The following CCDC30 variants were observed in gnomAD, a reference collection of about 807,000 sequenced individuals.
The protein encoded by CCDC30 is coiled-coil domain-containing protein 30.
In CCDC30, 70 loss-of-function variants were observed where a neutral mutation model predicts 100.2. The observed-to-expected ratio is 0.70, with a 90% CI of 0.58 to 0.85. CCDC30 has a LOEUF of 0.85. Among genes scored for constraint, CCDC30 ranks in the 40% least tolerant of loss-of-function variants. The probability of loss-of-function intolerance (pLI) is 0.00; values close to 1 mark genes in which losing one functional copy is unlikely to be tolerated. For synonymous variants in CCDC30, 233 were observed against 269.5 expected, an observed-to-expected ratio of 0.86 and a Z score of 1.33; for missense variants, 652 against 771.2, an observed-to-expected ratio of 0.85 and a Z score of 1.83.
At chr1:42,612,595 C>G (rs1217728223) in intron 11 of CCDC30, among the ~76,000 whole-genome samples, 1 of 152,140 alleles carries the variant, frequency 6.6e-6, no homozygotes, top group Non-Finnish European at 1.5e-5. Flanking sequence ...TAACCTGTTT[C>G]AAGAGCAGAG....
intron 6 of CCDC30, among the ~76,000 whole-genome samples, chr1:42,517,945 G>A (rs975244126): frequency 1.3e-5 from 2 of 152,032 alleles, no homozygotes; most frequent in African/African-American, 4.8e-5. Context: ...AGATTGTTGT[G>A]GCTGTTTGGG....
chr1:42,536,106 G>T (rs751239580), intron 6 of CCDC30, among the ~76,000 whole-genome samples: 25 of 151,782 alleles, frequency 1.6e-4, no homozygotes, highest in Non-Finnish European at 8.8e-5. Context: ...TCTGACATGT[G>T]GTAAGTCCTC....
At chr1:42,533,790 A>C (rs4660642) in intron 6 of CCDC30, 19,714 of 152,310 alleles carry the variant, frequency 0.13, 1,476 homozygotes, top group East Asian at 0.19. Context: ...TTGTCATACT[A>C]TGCAGGGAGG....
rs183792062 is a variant in CCDC30, at chr1:42,615,354, G to A, written c.1277+4264G>A. On this transcript the variant is annotated intron_variant, in intron 11 of 16. Coordinates refer to ENST00000668663, the Ensembl canonical transcript of CCDC30. ...TCTCTTGCCCAGACTCTGGAGTGCA[G>A]TGGCCTGATCTTGGCTCACCGCAAC... 2.2e-3 allele frequency among the ~76,000 whole-genome samples: 332 copies of A among 152,280 alleles called. 3 individuals are homozygous for A. The highest frequency in any genetic ancestry group is 0.02 in the Middle Eastern group (6 of 294).
At chr1:42,599,993 G>T (rs1452528543) in intron 10 of CCDC30, among the ~76,000 whole-genome samples, 3 of 152,050 alleles carry the variant, frequency 2.0e-5, no homozygotes, top group Non-Finnish European at 4.4e-5. Context: ...GAGGCAGGAG[G>T]TGCTAAACAC....
chr1:42,554,175 G>A (rs1195924427), intron 6 of CCDC30, among the ~76,000 whole-genome samples: 4 of 151,838 alleles, frequency 2.6e-5, no homozygotes, highest in Non-Finnish European at 4.4e-5. Context: ...TTTAGTATGA[G>A]CATTATTGTA....
upstream of CCDC30, among the ~76,000 whole-genome samples, chr1:42,460,993 C>T (rs757247992): frequency 3.9e-5 from 6 of 152,272 alleles, no homozygotes; most frequent in East Asian, 1.9e-4. Flanking sequence ...TGCTGTCCTA[C>T]GTTTTGGGTT....
intron 11 of CCDC30, among the ~76,000 whole-genome samples, chr1:42,615,243 C>A (rs1350180688): frequency 1.3e-5 from 2 of 152,116 alleles, no homozygotes; most frequent in Non-Finnish European, 1.5e-5. Context: ...TGGGGGTTTT[C>A]AAACTGGTTG....
chr1:42,539,445 A>G (rs1318369406), intron 6 of CCDC30, 135 bp downstream of exon 8: 1 of 582,856 alleles, frequency 1.7e-6, no homozygotes, highest in Non-Finnish European at 2.8e-6. Context: ...ATAAATTGCC[A>G]TATACTGCCA....
chr1:42,528,407 G>A lies in CCDC30; in HGVS notation c.456+29491G>A, dbSNP rs529996129. Among the ~76,000 whole-genome samples, 20 of 152,264 alleles carry A rather than the reference G, an allele frequency of 1.3e-4. No individual in the cohort carries two copies. In the East Asian group the frequency reaches 1.7e-3, roughly 13 times the overall value. ...GCTTGATATGGGAAGCAGGCCCCAC[G>A]ATGAACATAGAATTTCAAGAGTTAT... is the stretch of plus-strand genomic sequence containing the variant. On this transcript the variant is annotated intron_variant, in intron 6 of 16. Transcript: ENST00000668663.
chr1:42,510,072 G>A (rs1365533282), intron 6 of CCDC30: 27 of 985,254 alleles, frequency 2.7e-5, no homozygotes, highest in Non-Finnish European at 3.1e-5. Context: ...TTGTAGAATT[G>A]GAGGAGCTGA....
the CCDC30 span, chr1:42,456,925 C>G: frequency 7.7e-5 from 124 of 1,609,324 alleles, no homozygotes; most frequent in Non-Finnish European, 9.9e-5. Flanking sequence ...GCCTGGAGGC[C>G]GAGGAGAATG....
At chr1:42,500,419 C>CTT (rs373902992) in intron 6 of CCDC30, 2,078 of 714,934 alleles carry the variant, frequency 2.9e-3, no homozygotes, top group East Asian at 3.3e-3. Flanking sequence ...CGAGTTCTCT[C>CTT]TTTTTTTTTT....
At chr1:42,581,822 T>A (rs1020114901) in intron 9 of CCDC30, among the ~76,000 whole-genome samples, 2 of 152,190 alleles carry the variant, frequency 1.3e-5, no homozygotes, top group African/African-American at 4.8e-5. Context: ...TACTATGGAA[T>A]TTGCTCTGAC....
At chr1:42,516,625 C>G (rs1225780231) in intron 6 of CCDC30, among the ~76,000 whole-genome samples, 1 of 150,420 alleles carries the variant, frequency 6.6e-6, no homozygotes, top group African/African-American at 2.4e-5. Flanking sequence ...CTTGCCTTCT[C>G]TTTTTCCACG....
chr1:42,499,548 T>TC (rs1293575827), intron 6 of CCDC30, among the ~76,000 whole-genome samples: 3 of 152,182 alleles, frequency 2.0e-5, no homozygotes, highest in Non-Finnish European at 2.9e-5. Context: ...CAGTCCTGGC[T>TC]CGCTGCAGCC....
chr1:42,650,379 G>A (rs1262388332), intron 15 of CCDC30, among the ~76,000 whole-genome samples: 1 of 151,900 alleles, frequency 6.6e-6, no homozygotes, highest in Non-Finnish European at 1.5e-5. Context: ...TCAGCTACTT[G>A]GGAGGCTGAG....
At chr1:42,485,039 T>G (rs1388632224) in intron 3 of CCDC30, among the ~76,000 whole-genome samples, 1 of 152,170 alleles carries the variant, frequency 6.6e-6, no homozygotes, top group Non-Finnish European at 1.5e-5. Context: ...TGTTAAATTT[T>G]TGTTAAATTA....
intron 12 of CCDC30, among the ~76,000 whole-genome samples, chr1:42,642,244 A>T (rs200733501): frequency 2.7e-5 from 4 of 146,786 alleles, no homozygotes; most frequent in African/African-American, 1.1e-4. Flanking sequence ...AACAAACAAA[A>T]AAATATATAT....
Sources: allele counts gnomAD v4.1 joint callset (sites outside exome capture counted in the v4.1 genomes callset), GRCh38; gene constraint gnomAD v4.1.1; transcripts MANE v1.5; gene names NCBI Gene and HGNC (gene_info 2026-07-23, HGNC 2026-07-21).